The following ATP8B1 variants were observed in gnomAD, a reference collection of about 807,000 sequenced individuals.
The protein encoded by ATP8B1 is ATPase phospholipid transporting 8B1.
ATP8B1 carries 80 observed loss-of-function variants against 149.9 expected under a neutral mutation model. The observed-to-expected ratio is 0.53, with a 90% CI of 0.45 to 0.64. ATP8B1 has a LOEUF of 0.64. Ranked by LOEUF, ATP8B1 falls within the 30% of genes least tolerant of loss-of-function variation. ATP8B1 has a pLI of 0.00. For missense variants in ATP8B1, 1,247 were observed against 1,552.6 expected (o/e 0.80, Z 3.31); for synonymous variants, 536 against 562.8 (o/e 0.95, Z 0.67).
At chr18:57,706,240 G>C (rs564522054) in intron 3 of ATP8B1, among the ~76,000 whole-genome samples, 1 of 152,240 alleles carries the variant, frequency 6.6e-6, no homozygotes, top group African/African-American at 2.4e-5. Flanking sequence ...ACATTTCTAA[G>C]AGAGCTTAAA....
intron 1 of ATP8B1, among the ~76,000 whole-genome samples, chr18:57,794,804 G>GAA (rs965872081): frequency 1.4e-4 from 21 of 150,752 alleles, no homozygotes; most frequent in Non-Finnish European, 7.4e-5. Context: ...AAGAAAGAAA[G>GAA]AAAGAAAGAA....
intron 20 of ATP8B1, among the ~76,000 whole-genome samples, chr18:57,666,129 G>C (rs80268918): frequency 0.012 from 1,845 of 152,256 alleles, 41 homozygotes; most frequent in African/African-American, 0.043. Flanking sequence ...ATGCTGGCCT[G>C]AGAGAAGCTC....
intron 15 of ATP8B1, among the ~76,000 whole-genome samples, chr18:57,681,254 G>A (rs1911953644): frequency 6.9e-6 from 1 of 144,000 alleles, no homozygotes; most frequent in Admixed American, 6.9e-5. Context: ...GGGCAACCCA[G>A]TTGATAAAGA....
intron 15 of ATP8B1, 150 bp downstream of exon 15, chr18:57,683,886 C>A: frequency 9.7e-7 from 1 of 1,034,412 alleles, no homozygotes. Flanking sequence ...TTCCATAAAC[C>A]ATCTAGTGGT....
chr18:57,665,380 A>G (rs1910783171), intron 20 of ATP8B1, among the ~76,000 whole-genome samples: 1 of 152,156 alleles, frequency 6.6e-6, no homozygotes, highest in African/African-American at 2.4e-5. Flanking sequence ...CATACATTTT[A>G]TCTTTTACTT....
Position 57,651,885 on chromosome 18 carries a change from C to T in ATP8B1, c.3400+149G>A, listed in dbSNP as rs760012075. The T allele has an allele frequency of 7.5e-5, 73 of 978,290 alleles. 1 individual carries two copies. The highest frequency in any genetic ancestry group is 6.3e-4 in the South Asian group (44 of 69,818). The allele number at this position is 978,290 out of a possible 1,614,324, so 60.6% of individuals were successfully genotyped here. ...CTGGGCTCAAGCAATCCACTTGCCT[C>T]GGCCTCCCAAAATGCTGGGATTACA... On this transcript the variant is annotated intron_variant, in intron 26 of 27. Transcript: ENST00000648908.
intron 2 of ATP8B1, among the ~76,000 whole-genome samples, chr18:57,711,837 G>A (rs957827373): frequency 5.3e-5 from 8 of 152,086 alleles, no homozygotes; most frequent in Non-Finnish European, 1.0e-4. Context: ...CTATCCTCCT[G>A]CCTTGGCCTC....
intron 1 of ATP8B1, among the ~76,000 whole-genome samples, chr18:57,782,757 T>C (rs1356380083): frequency 6.6e-6 from 1 of 151,642 alleles, no homozygotes; most frequent in African/African-American, 2.4e-5. Flanking sequence ...GGAAAACAGA[T>C]TTACTGTCTA....
intron 1 of ATP8B1, among the ~76,000 whole-genome samples, chr18:57,744,429 A>G (rs939466286): frequency 1.3e-5 from 2 of 152,084 alleles, no homozygotes; most frequent in Non-Finnish European, 2.9e-5. Flanking sequence ...ATGAAGGAAA[A>G]AAAAAGTAAA....
intron 11 of ATP8B1, 81 bp downstream of exon 11, chr18:57,694,501 T>C (rs1910368091): frequency 1.0e-6 from 1 of 993,394 alleles, no homozygotes; most frequent in Admixed American, 2.0e-5. Context: ...GGTAAGATTT[T>C]GTATTAGAAA....
Position 57,707,398 on chromosome 18 carries a change from G to A in ATP8B1, c.182-811C>T, listed in dbSNP as rs73443027. Among the ~76,000 whole-genome samples the A allele has an allele frequency of 2.3e-3, 349 of 152,086 alleles. 1 individual carries two copies. Among genetic ancestry groups the A allele is most frequent in the African/African-American group, 7.8e-3 (324 of 41,514 alleles). ...GCTGGATGAAGCTCCCTTGAGTGACGCACATAATGGAGAGAACTAGGTGTT... is the reference window on the plus strand; with the variant it reads ...GCTGGATGAAGCTCCCTTGAGTGACACACATAATGGAGAGAACTAGGTGTT... On this transcript the variant is annotated intron_variant, in intron 2 of 27. Transcript: ENST00000648908.
chr18:57,757,086 G>T (rs546149587), intron 1 of ATP8B1, among the ~76,000 whole-genome samples: 8 of 152,176 alleles, frequency 5.3e-5, no homozygotes, highest in Non-Finnish European at 7.3e-5. Flanking sequence ...TGAGCATGCC[G>T]CTGTAAGCAT....
At chr18:57,777,527 A>G (rs1019136293) in intron 1 of ATP8B1, among the ~76,000 whole-genome samples, 1 of 152,202 alleles carries the variant, frequency 6.6e-6, no homozygotes, top group Non-Finnish European at 1.5e-5. Context: ...AGAGTTGGGT[A>G]ACTGGGTTAA....
intron 1 of ATP8B1, among the ~76,000 whole-genome samples, chr18:57,786,520 T>C (rs1467432317): frequency 6.6e-6 from 1 of 152,168 alleles, no homozygotes; most frequent in African/African-American, 2.4e-5. Context: ...GGGACCATAC[T>C]TTGAAAACCA....
chr18:57,777,521 T>G (rs2080315740), intron 1 of ATP8B1, among the ~76,000 whole-genome samples: 1 of 151,512 alleles, frequency 6.6e-6, no homozygotes, highest in Non-Finnish European at 1.5e-5. Context: ...GGTAGGAGAG[T>G]TGGGTAACTG....
At chr18:57,800,287 G>C (rs2080561643) in intron 1 of ATP8B1, among the ~76,000 whole-genome samples, 1 of 152,172 alleles carries the variant, frequency 6.6e-6, no homozygotes, top group Admixed American at 6.5e-5. Context: ...TTGAGGCCAG[G>C]AGTTTTAGAT....
At chr18:57,748,012 C>G (rs2079980161) in intron 1 of ATP8B1, among the ~76,000 whole-genome samples, 1 of 152,194 alleles carries the variant, frequency 6.6e-6, no homozygotes, top group African/African-American at 2.4e-5. Context: ...GCAATTCTAT[C>G]TGTTCTGGCT....
At chr18:57,713,179 CTTTCT>C (rs1568207410) in intron 2 of ATP8B1, among the ~76,000 whole-genome samples, 2 of 74,860 alleles carry the variant, frequency 2.7e-5, no homozygotes, top group Non-Finnish European at 2.7e-5. Flanking sequence ...TTCTTTCTTT[CTTTCT>C]TTCTTTCTTT....
chr18:57,694,992 T>C (rs1459975462), intron 10 of ATP8B1, among the ~76,000 whole-genome samples, 179 bp downstream of exon 10: 2 of 125,880 alleles, frequency 1.6e-5, no homozygotes, highest in Admixed American at 1.0e-4. Context: ...ATTATGCCAC[T>C]GCACTCCAGC....
Sources: allele counts gnomAD v4.1 joint callset (sites outside exome capture counted in the v4.1 genomes callset), GRCh38; gene constraint gnomAD v4.1.1; transcripts MANE v1.5; gene names NCBI Gene and HGNC (gene_info 2026-07-23, HGNC 2026-07-21).